Variants in NRCAM observed in about 807,000 individuals in gnomAD.
NRCAM encodes NgCAM-related cell adhesion molecule.
Under a neutral mutation model 156.5 loss-of-function variants are expected in NRCAM, and 83 were observed. The observed-to-expected ratio is 0.53, with a 90% CI of 0.44 to 0.64. NRCAM has a LOEUF of 0.64. Ranked by LOEUF, NRCAM falls within the 30% of genes least tolerant of loss-of-function variation. The pLI is 0.00. For missense variants in NRCAM, 1,417 were observed against 1,597.3 expected (o/e 0.89, Z 1.92); for synonymous variants, 538 against 563.9 (o/e 0.95, Z 0.65).
intron 3 of NRCAM, among the ~76,000 whole-genome samples, chr7:108,248,515 T>C (rs967651204): frequency 6.6e-6 from 1 of 152,084 alleles, no homozygotes; most frequent in Non-Finnish European, 1.5e-5. Flanking sequence ...CCATTCACAT[T>C]CTACTCCAGT....
In NRCAM at chr7:108,302,043, G is replaced by A. The variant is rs149796737; in HGVS notation, c.-107+10622C>T. 6.2e-3 allele frequency among the ~76,000 whole-genome samples: 927 copies of A among 150,388 alleles called. 10 individuals are homozygous for A. Among genetic ancestry groups the A allele is most frequent in the African/African-American group, 0.021 (879 of 41,026 alleles). On this transcript the variant is annotated intron_variant, in intron 3 of 32. Transcript: ENST00000379028. ...TAACTGATCACCCTTTCTAAATAGT[G>A]ACCAAAGTACAAAAAAAAAAACCCA... is the stretch of plus-strand genomic sequence containing the variant.
chr7:108,345,743 C>A (rs558600416), intron 2 of NRCAM, among the ~76,000 whole-genome samples: 2 of 152,320 alleles, frequency 1.3e-5, no homozygotes, highest in Non-Finnish European at 2.9e-5. Context: ...GTCTTGGACT[C>A]CCTACCTTCC....
chr7:108,329,919 CA>C (rs1159437017), intron 2 of NRCAM, among the ~76,000 whole-genome samples: 3 of 152,214 alleles, frequency 2.0e-5, no homozygotes, highest in African/African-American at 7.2e-5. Flanking sequence ...TTCATTCTTT[CA>C]AAAGATAAAA....
chr7:108,423,685 T>A (rs750634575), intron 1 of NRCAM, among the ~76,000 whole-genome samples: 1 of 152,202 alleles, frequency 6.6e-6, no homozygotes, highest in South Asian at 2.1e-4. Flanking sequence ...TTGGTGGCAA[T>A]CATGCTAAAA....
At chr7:108,418,459 G>A (rs1476022455) in intron 1 of NRCAM, among the ~76,000 whole-genome samples, 1 of 152,024 alleles carries the variant, frequency 6.6e-6, no homozygotes, top group Non-Finnish European at 1.5e-5. Flanking sequence ...ATGACATTCT[G>A]ACTTGAAGTG....
At chr7:108,265,406 CT>C (rs2097064043) in intron 3 of NRCAM, among the ~76,000 whole-genome samples, 1 of 152,152 alleles carries the variant, frequency 6.6e-6, no homozygotes, top group Admixed American at 6.5e-5. Context: ...CACAGCACAG[CT>C]TTTTTGGGGT....
intron 1 of NRCAM, among the ~76,000 whole-genome samples, chr7:108,416,590 A>G (rs1268522497): frequency 6.6e-6 from 1 of 152,172 alleles, no homozygotes; most frequent in Non-Finnish European, 1.5e-5. Context: ...AATAATTAAA[A>G]AAAAAAAGTC....
At chr7:108,171,976 T>A (rs1270436338) in intron 28 of NRCAM, among the ~76,000 whole-genome samples, 1 of 152,230 alleles carries the variant, frequency 6.6e-6, no homozygotes, top group Non-Finnish European at 1.5e-5. Context: ...CACTAGCTGA[T>A]CCTCAATGCT....
chr7:108,226,343 G>C lies in NRCAM; in HGVS notation c.586C>G (p.Gln196Glu), dbSNP rs746776922. ...QRLPQSERVS[Q>E]GLNGDLYFSN... ...AAATAAAGGTCCCCATTCAAACCTT[G>C]AGAAACTCTCTCACTTTGTGGAAGT... The change falls in exon 9 of 33, where the codon CAA becomes GAA. Residue 196 changes from glutamine to glutamate, a missense_variant. Gln to Glu is a conservative substitution (Grantham distance 29). Coordinates refer to ENST00000379028, the MANE Select transcript of NRCAM (RefSeq NM_001037132.4). The C allele has an allele frequency of 7.4e-6, 12 of 1,612,666 alleles. No individual in the cohort carries two copies. Among genetic ancestry groups the C allele is most frequent in the African/African-American group, 2.7e-5 (2 of 74,878 alleles).
At chr7:108,412,078 A>G (rs1056821282) in intron 1 of NRCAM, among the ~76,000 whole-genome samples, 4 of 152,226 alleles carry the variant, frequency 2.6e-5, no homozygotes, top group Non-Finnish European at 5.9e-5. Flanking sequence ...CAAAAAGGCT[A>G]TTATGATTTA....
At chr7:108,195,729 A>G (rs2074681243) in intron 15 of NRCAM, 32 bp downstream of exon 15, 2 of 1,188,594 alleles carry the variant, frequency 1.7e-6, no homozygotes, top group Non-Finnish European at 2.5e-6. Flanking sequence ...AAACATTTTA[A>G]GTATTGAAAA....
At chr7:108,159,158 A>T in intron 32 of NRCAM, 1 of 481,330 alleles carries the variant, frequency 2.1e-6, no homozygotes, top group Non-Finnish European at 3.8e-6. Flanking sequence ...TTGTTGTTTT[A>T]ATGCTCATAG....
At chr7:108,286,670 C>T (rs2098113792) in intron 3 of NRCAM, among the ~76,000 whole-genome samples, 1 of 152,110 alleles carries the variant, frequency 6.6e-6, no homozygotes, top group African/African-American at 2.4e-5. Flanking sequence ...GCAGACACAG[C>T]TATTAAGTGG....
chr7:108,219,703 A>G (rs913409821), intron 11 of NRCAM, among the ~76,000 whole-genome samples: 8 of 152,164 alleles, frequency 5.3e-5, no homozygotes, highest in East Asian at 1.9e-4. Flanking sequence ...ACATACCTCA[A>G]TGTAATAAAA....
chr7:108,163,797 C>CCAGTAGTA, intron 30 of NRCAM, among the ~76,000 whole-genome samples: 1 of 141,146 alleles, frequency 7.1e-6, no homozygotes, highest in South Asian at 2.3e-4. Flanking sequence ...AGAGGTCATA[C>CCAGTAGTA]CGGGTGGGGT....
intron 27 of NRCAM, among the ~76,000 whole-genome samples, chr7:108,175,995 C>T (rs2060338988): frequency 6.6e-6 from 1 of 151,968 alleles, no homozygotes; most frequent in Non-Finnish European, 1.5e-5. Flanking sequence ...AAAATTTTTT[C>T]CAGTAAATCA....
chr7:108,402,310 T>C (rs1274463677), intron 1 of NRCAM, among the ~76,000 whole-genome samples: 2 of 152,232 alleles, frequency 1.3e-5, no homozygotes, highest in East Asian at 3.8e-4. Flanking sequence ...GCATTGTTAT[T>C]TACTATAATA....
chr7:108,403,125 C>T (rs2099797720), intron 1 of NRCAM, among the ~76,000 whole-genome samples: 1 of 152,202 alleles, frequency 6.6e-6, no homozygotes, highest in African/African-American at 2.4e-5. Flanking sequence ...AAGATTACAG[C>T]ACTCCATTTA....
At chr7:108,252,293 C>T (rs746153262) in intron 3 of NRCAM, among the ~76,000 whole-genome samples, 1 of 152,114 alleles carries the variant, frequency 6.6e-6, no homozygotes, top group Non-Finnish European at 1.5e-5. Flanking sequence ...CAAAGTTGAA[C>T]GCACCTCACT....
Sources: gnomAD v4.1 joint callset for allele counts (sites outside exome capture counted in the v4.1 genomes callset) on GRCh38, gnomAD v4.1.1 for gene constraint, MANE v1.5 for transcripts, NCBI Gene and HGNC (gene_info 2026-07-23, HGNC 2026-07-21) for gene names.